Variants in CNGB1 observed in about 807,000 individuals in gnomAD.
CNGB1 encodes cyclic nucleotide gated channel subunit beta 1.
A neutral mutation model predicts 151.7 loss-of-function variants in CNGB1; 126 were observed. The observed-to-expected ratio is 0.83, with a 90% CI of 0.72 to 0.96. The LOEUF (loss-of-function observed/expected upper bound fraction) is 0.96, where lower values mean the gene tolerates loss of function less well. Ranked by LOEUF, CNGB1 falls within the 40% of genes least tolerant of loss-of-function variation. The pLI is 0.00. For synonymous variants in CNGB1, 623 were observed against 635.1 expected (o/e 0.98, Z 0.29); for missense variants, 1,698 against 1,627.0 (o/e 1.04, Z -0.75).
In CNGB1 at chr16:57,903,947, T is replaced by C. The variant is rs1349112034; in HGVS notation, c.2669A>G (p.Gln890Arg). ...RDVVGAATAG[Q>R]TYYRSCMDST... Reference sequence around the variant, plus strand: ...GTCCATGCAGCTGCGGTAGTAGGTCTGTCCGGCGGTGGCGGCCCCTACCAC... The same window carrying C: ...GTCCATGCAGCTGCGGTAGTAGGTCCGTCCGGCGGTGGCGGCCCCTACCAC... The change falls in exon 27 of 33, where the codon CAG becomes CGG. Residue 890 changes from glutamine (Q) to arginine (R), a missense_variant. Gln to Arg is a conservative substitution (Grantham distance 43, BLOSUM62 1). Coordinates refer to ENST00000251102, the MANE Select transcript of CNGB1 (RefSeq NM_001297.5). 2 of 1,614,064 alleles carry C rather than the reference T, an allele frequency of 1.2e-6. No individual in the cohort carries two copies. The highest frequency in any genetic ancestry group is 1.1e-5 in the South Asian group (1 of 91,068).
chr16:57,914,231 G>T (rs1206200383), intron 23 of CNGB1, among the ~76,000 whole-genome samples: 1 of 152,136 alleles, frequency 6.6e-6, no homozygotes. Flanking sequence ...CTCTGCGTCT[G>T]GGGTGAAACT....
At chr16:57,967,760 C>T (rs548198554) in intron 1 of CNGB1, among the ~76,000 whole-genome samples, 1 of 152,040 alleles carries the variant, frequency 6.6e-6, no homozygotes, top group African/African-American at 2.4e-5. Context: ...ATACATATTA[C>T]ATATATACAC....
intron 8 of CNGB1, 39 bp from the exon 9 acceptor site, chr16:57,960,569 AAGCTCTGTGCGCTTCCCCAACCGCC>A: frequency 6.2e-7 from 1 of 1,604,770 alleles, no homozygotes; most frequent in Non-Finnish European, 8.5e-7. Flanking sequence ...GGGCCATAGC[AAGCTCTGTGCGCTTCCCCAACCGCC>A]ACTACCAGCT....
chr16:57,956,881 C>A (rs985082031), intron 12 of CNGB1, among the ~76,000 whole-genome samples: 8 of 152,214 alleles, frequency 5.3e-5, no homozygotes, highest in Non-Finnish European at 1.0e-4. Context: ...TATGCCTCCC[C>A]AACCCAGCTG....
chr16:57,927,375 G>A (rs1371352200), intron 17 of CNGB1, among the ~76,000 whole-genome samples: 2 of 152,088 alleles, frequency 1.3e-5, no homozygotes, highest in Admixed American at 6.5e-5. Flanking sequence ...CACCGCCCTC[G>A]GCCTCTACAG....
At chr16:57,933,311 A>C (rs1248554528) in intron 16 of CNGB1, among the ~76,000 whole-genome samples, 1 of 152,002 alleles carries the variant, frequency 6.6e-6, no homozygotes, top group Admixed American at 6.6e-5. Flanking sequence ...AGTGTGTGCT[A>C]CTTCCTATTT....
chr16:57,929,293 A>C (rs1342050373), intron 17 of CNGB1, among the ~76,000 whole-genome samples: 2 of 152,220 alleles, frequency 1.3e-5, no homozygotes, highest in African/African-American at 4.8e-5. Flanking sequence ...TCACACTGCT[A>C]TAAAGGACTA....
In CNGB1 at chr16:57,912,993, T is replaced by C. The variant is rs762543707; in HGVS notation, c.2306A>G (p.Tyr769Cys). Reference protein sequence around the residue: ...PLLRLPRCLKYMAFFEFNSRL... With the variant: ...PLLRLPRCLKCMAFFEFNSRL... ...GCTGTTAAACTCGAAGAAGGCCATG[T>C]ACTGGAGGGAGAGGAGGGCGTGAGA... The change falls in exon 24 of 33, where the codon TAC becomes TGC. Residue 769 changes from tyrosine (Y) to cysteine (C), a missense_variant and splice_region_variant. By Grantham distance (194) the Tyr-to-Cys change is radical. Transcript: ENST00000251102. 3 of 1,613,936 alleles carry C rather than the reference T, an allele frequency of 1.9e-6. No homozygotes were observed. Among genetic ancestry groups the C allele is most frequent in the Non-Finnish European group, 2.5e-6 (3 of 1,179,828 alleles).
chr16:57,935,203 G>A (rs1309963070), intron 16 of CNGB1, among the ~76,000 whole-genome samples: 2 of 152,042 alleles, frequency 1.3e-5, no homozygotes, highest in Non-Finnish European at 2.9e-5. Flanking sequence ...AGGCCCATCC[G>A]TCTCATTAGA....
chr16:57,908,405 A>T (rs1391905018), intron 25 of CNGB1, among the ~76,000 whole-genome samples: 1 of 152,220 alleles, frequency 6.6e-6, no homozygotes, highest in African/African-American at 2.4e-5. Context: ...GACCACGGGC[A>T]TTTTGTGTCA....
intron 14 of CNGB1, among the ~76,000 whole-genome samples, chr16:57,947,124 T>C (rs755732144): frequency 6.6e-6 from 1 of 152,222 alleles, no homozygotes; most frequent in Non-Finnish European, 1.5e-5. Context: ...CATGTATGTC[T>C]GTGTTGGTGT....
At chr16:57,896,015 A>C (rs1218925508) in intron 31 of CNGB1, among the ~76,000 whole-genome samples, 4 of 152,212 alleles carry the variant, frequency 2.6e-5, no homozygotes, top group Non-Finnish European at 5.9e-5. Context: ...CACACAGCTG[A>C]CTGCCAGCTA....
At position 57,934,347 on chromosome 16, in the gene CNGB1, T is replaced by C. The variant is rs144257745; in HGVS notation, c.1373-2469A>G. On this transcript the variant is annotated intron_variant, in intron 16 of 32. Coordinates refer to ENST00000251102, the MANE Select transcript of CNGB1 (RefSeq NM_001297.5). Reference sequence around the variant, plus strand: ...TACTTGGGAGGCTGAGGTTGGAGGATAGGTTGAACCTGGGAGGTAGAACCT... The same window carrying C: ...TACTTGGGAGGCTGAGGTTGGAGGACAGGTTGAACCTGGGAGGTAGAACCT... 3.9e-5 allele frequency among the ~76,000 whole-genome samples: 6 copies of C among 152,252 alleles called. No individual in the cohort carries two copies. The East Asian group carries it at 9.7e-4, about 25-fold the overall frequency.
chr16:57,928,514 T>C (rs949189566), intron 17 of CNGB1, among the ~76,000 whole-genome samples: 25 of 152,172 alleles, frequency 1.6e-4, no homozygotes, highest in African/African-American at 5.8e-4. Context: ...TTAAAACCAT[T>C]CAAGACCATG....
At chr16:57,894,738 T>C (rs1960178479) in intron 31 of CNGB1, among the ~76,000 whole-genome samples, 1 of 151,470 alleles carries the variant, frequency 6.6e-6, no homozygotes, top group South Asian at 2.1e-4. Flanking sequence ...ACAGGGAGAG[T>C]TGGGACGCTT....
At position 57,964,214 on chromosome 16, in the gene CNGB1, T is replaced by C. The variant is rs1335110065; in HGVS notation, c.218-12A>G. On this transcript the variant is annotated splice_polypyrimidine_tract_variant and intron_variant, in intron 3 of 32. Coordinates refer to ENST00000251102, the MANE Select transcript of CNGB1 (RefSeq NM_001297.5). ...AGCCTCCTTGGTCTCTGGAAAAGAA[T>C]CTCTCATCCTTCAGATCTAGGGCCT... 3 of 1,613,456 alleles carry C rather than the reference T, an allele frequency of 1.9e-6. No individual in the cohort carries two copies. The highest frequency in any genetic ancestry group is 1.1e-5 in the South Asian group (1 of 91,044).
At chr16:57,912,572 T>TTGTG (rs139857300) in intron 24 of CNGB1, among the ~76,000 whole-genome samples, 13 of 144,590 alleles carry the variant, frequency 9.0e-5, no homozygotes, top group Admixed American at 4.7e-4. Flanking sequence ...ACTTCCTGTG[T>TTGTG]TGTGTGTGTG....
chr16:57,941,698 C>T (rs1341725600), intron 14 of CNGB1, among the ~76,000 whole-genome samples: 26 of 152,054 alleles, frequency 1.7e-4, no homozygotes, highest in Non-Finnish European at 5.9e-5. Context: ...AGAAATGGAC[C>T]GCAATACAAT....
intron 27 of CNGB1, 128 bp downstream of exon 27, chr16:57,903,694 G>T: frequency 1.7e-6 from 2 of 1,185,812 alleles, no homozygotes; most frequent in Non-Finnish European, 2.4e-6. Context: ...ACACAGCCAA[G>T]ACAGGCCCCA....
Sources: gnomAD v4.1 joint callset for allele counts (sites outside exome capture counted in the v4.1 genomes callset) on GRCh38, gnomAD v4.1.1 for gene constraint, MANE v1.5 for transcripts, NCBI Gene and HGNC (gene_info 2026-07-23, HGNC 2026-07-21) for gene names.